The following PDE4B variants were observed in gnomAD, a reference collection of about 807,000 sequenced individuals.
PDE4B encodes 3',5'-cyclic-AMP phosphodiesterase 4B.
Under a neutral mutation model 82.2 loss-of-function variants are expected in PDE4B, and 20 were observed. That is an observed-to-expected ratio of 0.24 (90% CI 0.17 to 0.35). The LOEUF is 0.35. Among genes scored for constraint, PDE4B ranks in the 10% least tolerant of loss-of-function variants. The pLI, the probability that PDE4B is intolerant of heterozygous loss-of-function variation, is 1.00. For missense variants in PDE4B, 655 were observed against 907.2 expected (o/e 0.72, Z 3.57); for synonymous variants, 320 against 318.9 (o/e 1.00, Z -0.04).
chr1:66,229,024 T>C (rs1210373085), intron 3 of PDE4B, among the ~76,000 whole-genome samples: 2 of 151,984 alleles, frequency 1.3e-5, no homozygotes, highest in African/African-American at 4.8e-5. Context: ...AGGCTTTTTT[T>C]TGAGATGGAG....
At chr1:65,808,417 G>T (rs1164107121) in intron 1 of PDE4B, among the ~76,000 whole-genome samples, 2 of 152,112 alleles carry the variant, frequency 1.3e-5, no homozygotes, top group African/African-American at 2.4e-5. Flanking sequence ...CAATTCTCCT[G>T]CCTCAGCTTC....
intron 3 of PDE4B, among the ~76,000 whole-genome samples, chr1:65,998,314 G>C (rs1651665061): frequency 6.6e-6 from 1 of 151,906 alleles, no homozygotes; most frequent in Admixed American, 6.6e-5. Context: ...AAGGATGCAA[G>C]GTGGGAAAGC....
At chr1:66,021,037 G>A (rs1417064215) in intron 3 of PDE4B, among the ~76,000 whole-genome samples, 1 of 152,112 alleles carries the variant, frequency 6.6e-6, no homozygotes, top group Non-Finnish European at 1.5e-5. Context: ...ATCTCATTGT[G>A]GTTTTGATTT....
intron 3 of PDE4B, among the ~76,000 whole-genome samples, chr1:66,136,664 A>G (rs1260997152): frequency 1.4e-5 from 2 of 146,504 alleles, no homozygotes; most frequent in Non-Finnish European, 3.0e-5. Flanking sequence ...CACAACTGCA[A>G]TCCAGTCTGA....
chr1:66,170,913 T>C (rs1419028734), intron 3 of PDE4B, among the ~76,000 whole-genome samples: 1 of 152,154 alleles, frequency 6.6e-6, no homozygotes, highest in Non-Finnish European at 1.5e-5. Flanking sequence ...TGGCCATACA[T>C]TTTAAATAGG....
At chr1:66,238,398 A>C (rs1399302709) in intron 3 of PDE4B, among the ~76,000 whole-genome samples, 1 of 152,128 alleles carries the variant, frequency 6.6e-6, no homozygotes, top group Non-Finnish European at 1.5e-5. Flanking sequence ...CATGGCAAGG[A>C]GTTTGGATTT....
At chr1:65,838,808 G>A (rs1646174512) in intron 1 of PDE4B, among the ~76,000 whole-genome samples, 1 of 151,610 alleles carries the variant, frequency 6.6e-6, no homozygotes, top group Admixed American at 6.6e-5. Flanking sequence ...AAGAAATTCT[G>A]TTTTTCTTGG....
chr1:66,072,991 A>G (rs1164811894), intron 3 of PDE4B, among the ~76,000 whole-genome samples: 1 of 149,052 alleles, frequency 6.7e-6, no homozygotes, highest in Non-Finnish European at 1.5e-5. Context: ...CTTCTCTAAC[A>G]CAAGTTGTAT....
At chr1:66,311,092 A>G (rs1333205477) in intron 7 of PDE4B, among the ~76,000 whole-genome samples, 1 of 152,162 alleles carries the variant, frequency 6.6e-6, no homozygotes, top group East Asian at 1.9e-4. Flanking sequence ...TAAATAGTCA[A>G]GATTTTTAGG....
At chr1:65,909,703 G>C (rs1647065649) in intron 1 of PDE4B, among the ~76,000 whole-genome samples, 1 of 152,134 alleles carries the variant, frequency 6.6e-6, no homozygotes, top group Non-Finnish European at 1.5e-5. Flanking sequence ...TTTTAATGAA[G>C]CATATGGTGT....
intron 3 of PDE4B, among the ~76,000 whole-genome samples, chr1:66,115,373 C>A (rs1342762790): frequency 1.3e-5 from 2 of 152,120 alleles, no homozygotes; most frequent in Non-Finnish European, 2.9e-5. Context: ...TAATGTGCAG[C>A]CAATATTGAG....
At position 66,148,729 on chromosome 1, in the gene PDE4B, T is replaced by C. The variant is rs537389610; in HGVS notation, c.282-98731T>C. Among the ~76,000 whole-genome samples the C allele has an allele frequency of 5.9e-5, 9 of 152,348 alleles. No individual in the cohort carries two copies. In the South Asian group the frequency reaches 1.9e-3, roughly 32 times the overall value. On this transcript the variant is annotated intron_variant, in intron 3 of 16. Transcript: ENST00000341517. ...TCTGTCTCTACAGATTTGCCTATTC[T>C]GGATATTTCAAAAAAATGAAATCTT... is the stretch of plus-strand genomic sequence containing the variant.
intron 3 of PDE4B, among the ~76,000 whole-genome samples, chr1:66,153,066 A>C (rs1185210835): frequency 1.3e-5 from 2 of 152,134 alleles, no homozygotes; most frequent in East Asian, 3.9e-4. Context: ...TGATACATAG[A>C]ACTAATCATC....
intron 8 of PDE4B, among the ~76,000 whole-genome samples, 194 bp downstream of exon 8, chr1:66,332,814 C>A (rs1420220521): frequency 1.3e-5 from 2 of 152,172 alleles, no homozygotes; most frequent in East Asian, 3.8e-4. Context: ...AGTTTAAAAT[C>A]CTCAGTACGC....
At chr1:65,795,915 GT>G (rs1645626985) in intron 1 of PDE4B, among the ~76,000 whole-genome samples, 1 of 152,184 alleles carries the variant, frequency 6.6e-6, no homozygotes, top group African/African-American at 2.4e-5. Flanking sequence ...CATTTTGCCA[GT>G]TTTAATCCAT....
At chr1:66,270,642 C>G (rs111607920) in intron 7 of PDE4B, among the ~76,000 whole-genome samples, 2 of 152,086 alleles carry the variant, frequency 1.3e-5, no homozygotes. Flanking sequence ...ACAAGCAGAA[C>G]CTTTGCTTGG....
At chr1:65,893,150 A>G (rs1158906837) in intron 1 of PDE4B, among the ~76,000 whole-genome samples, 2 of 152,094 alleles carry the variant, frequency 1.3e-5, no homozygotes, top group Admixed American at 6.6e-5. Context: ...TGGACATTTT[A>G]GGGACTCATG....
At chr1:66,017,604 T>C (rs189900181) in intron 3 of PDE4B, among the ~76,000 whole-genome samples, 1 of 152,330 alleles carries the variant, frequency 6.6e-6, no homozygotes, top group Non-Finnish European at 1.5e-5. Flanking sequence ...AAGCAAAATG[T>C]TTCCCACATG....
At chr1:65,840,467 T>C (rs986009020) in intron 1 of PDE4B, among the ~76,000 whole-genome samples, 4 of 152,212 alleles carry the variant, frequency 2.6e-5, no homozygotes, top group Non-Finnish European at 5.9e-5. Flanking sequence ...AATTTTATTA[T>C]AACTTTTTAA....
Sources: gnomAD v4.1 joint callset for allele counts (sites outside exome capture counted in the v4.1 genomes callset) on GRCh38, gnomAD v4.1.1 for gene constraint, MANE v1.5 for transcripts, NCBI Gene and HGNC (gene_info 2026-07-23, HGNC 2026-07-21) for gene names.